The following NALF1 variants were observed in gnomAD, a reference collection of about 807,000 sequenced individuals.
NALF1 encodes family with sequence similarity 155 member A.
A neutral mutation model predicts 48.4 loss-of-function variants in NALF1; 3 were observed. The ratio of observed to expected loss-of-function variants is 0.06; its 90% CI spans 0.03 to 0.16. The LOEUF (loss-of-function observed/expected upper bound fraction) is 0.16. NALF1 is among the 10% of genes least tolerant of loss of function. The probability of loss-of-function intolerance (pLI) is 1.00; values close to 1 mark genes in which losing one functional copy is unlikely to be tolerated. For synonymous variants in NALF1, 262 were observed against 245.7 expected, an observed-to-expected ratio of 1.07 and a Z score of -0.62; for missense variants, 526 against 571.5, an observed-to-expected ratio of 0.92 and a Z score of 0.81.
chr13:107,497,613 A>G (rs1365649773), intron 1 of NALF1, among the ~76,000 whole-genome samples: 1 of 152,218 alleles, frequency 6.6e-6, no homozygotes. Context: ...TCTATCAATA[A>G]AGGCTTTTTA....
rs114485800 is a variant in NALF1 at position 107,675,225 on chromosome 13, G to A, written c.915+190457C>T. On this transcript the variant is annotated intron_variant, in intron 1 of 2. Transcript: ENST00000375915. The stretch of plus-strand genomic sequence containing the variant: ...AACTTGCTCATCCTTCTGCTCTTAC[G>A]TCCCTGGTATTTGTCCCTGGATGTT... Among the ~76,000 whole-genome samples, 874 of 152,150 alleles carry A rather than the reference G, an allele frequency of 5.7e-3. 8 individuals carry two copies. The highest frequency in any genetic ancestry group is 0.02 in the African/African-American group (836 of 41,486).
At chr13:107,714,636 A>C (rs960531975) in intron 1 of NALF1, among the ~76,000 whole-genome samples, 1 of 151,404 alleles carries the variant, frequency 6.6e-6, no homozygotes, top group Non-Finnish European at 1.5e-5. Context: ...TAAAAAAAAA[A>C]AAAGAAAGAT....
intron 1 of NALF1, among the ~76,000 whole-genome samples, chr13:107,276,556 G>T (rs569627113): frequency 6.6e-6 from 1 of 152,216 alleles, no homozygotes; most frequent in East Asian, 1.9e-4. Flanking sequence ...TAATAAAAAG[G>T]TATTTAAAGC....
intron 1 of NALF1, among the ~76,000 whole-genome samples, chr13:107,224,711 T>G (rs1348954539): frequency 1.3e-5 from 2 of 152,086 alleles, no homozygotes; most frequent in Non-Finnish European, 2.9e-5. Flanking sequence ...TAATTTTAAA[T>G]CAATAACAAT....
chr13:107,857,079 C>T (rs1240157696), intron 1 of NALF1, among the ~76,000 whole-genome samples: 2 of 152,220 alleles, frequency 1.3e-5, no homozygotes, highest in Non-Finnish European at 2.9e-5. Context: ...CTGTGTCTCC[C>T]TGTGTCTTCT....
intron 1 of NALF1, among the ~76,000 whole-genome samples, chr13:107,715,209 T>TC (rs1875715726): frequency 7.0e-6 from 1 of 141,970 alleles, no homozygotes; most frequent in African/African-American, 2.8e-5. Flanking sequence ...TCTCTCTTTC[T>TC]TTTTTTTTTT....
rs544928594 is a variant in NALF1, at chr13:107,746,583, T to C, written c.915+119099A>G. On this transcript the variant is annotated intron_variant, in intron 1 of 2. Transcript: ENST00000375915. ...TATAATCTGTAACATTTACATTAAA[T>C]AGGAATTTTACTATCAAGAAACATC... Among the ~76,000 whole-genome samples the C allele has an allele frequency of 9.2e-5, 14 of 152,328 alleles. 1 individual carries two copies. The South Asian group carries it at 2.7e-3, about 29-fold the overall frequency.
intron 1 of NALF1, among the ~76,000 whole-genome samples, chr13:107,829,483 T>G (rs1000255911): frequency 9.2e-5 from 14 of 152,154 alleles, no homozygotes; most frequent in Non-Finnish European, 1.8e-4. Flanking sequence ...ATCTCATGAT[T>G]TTTTTTCCAG....
intron 1 of NALF1, among the ~76,000 whole-genome samples, chr13:107,333,420 C>T (rs1039427729): frequency 2.6e-5 from 4 of 152,116 alleles, no homozygotes; most frequent in Admixed American, 6.5e-5. Flanking sequence ...TCAAAAAGGA[C>T]GCATGCTTAC....
chr13:107,536,470 A>T (rs533223407), intron 1 of NALF1, among the ~76,000 whole-genome samples: 3 of 152,232 alleles, frequency 2.0e-5, no homozygotes, highest in African/African-American at 7.2e-5. Context: ...CAAAAGACAC[A>T]TGAAAAAATG....
intron 2 of NALF1, among the ~76,000 whole-genome samples, chr13:107,206,472 A>C (rs1879645798): frequency 6.6e-6 from 1 of 152,212 alleles, no homozygotes; most frequent in Non-Finnish European, 1.5e-5. Context: ...TATACATTTA[A>C]AACTTTCAAA....
chr13:107,671,423 A>T (rs1880988253), intron 1 of NALF1, among the ~76,000 whole-genome samples: 1 of 152,126 alleles, frequency 6.6e-6, no homozygotes, highest in Non-Finnish European at 1.5e-5. Context: ...AATGAAAAAG[A>T]GTCAGATCTA....
At chr13:107,775,180 T>C (rs113002467) in intron 1 of NALF1, among the ~76,000 whole-genome samples, 20,061 of 149,904 alleles carry the variant, frequency 0.13, 1,572 homozygotes, top group Admixed American at 0.23. Flanking sequence ...GCATTAGGTA[T>C]ATCTCCCAGT....
At chr13:107,393,892 G>A (rs2138985288) in intron 1 of NALF1, among the ~76,000 whole-genome samples, 1 of 152,282 alleles carries the variant, frequency 6.6e-6, no homozygotes, top group East Asian at 1.9e-4. Context: ...CATTTAGAAT[G>A]TTGAGTATCA....
chr13:107,308,962 G>A (rs190645802), intron 1 of NALF1, among the ~76,000 whole-genome samples: 1 of 152,162 alleles, frequency 6.6e-6, no homozygotes, highest in Non-Finnish European at 1.5e-5. Flanking sequence ...GAGGTGTTGA[G>A]TTTATTTGAT....
chr13:107,284,841 C>A (rs950099476), intron 1 of NALF1, among the ~76,000 whole-genome samples: 1 of 152,228 alleles, frequency 6.6e-6, no homozygotes, highest in Admixed American at 6.5e-5. Context: ...CTGGAGCCTT[C>A]GTCTTGGATC....
At chr13:107,844,174 GT>G (rs1209787487) in intron 1 of NALF1, among the ~76,000 whole-genome samples, 1 of 152,022 alleles carries the variant, frequency 6.6e-6, no homozygotes, top group Non-Finnish European at 1.5e-5. Flanking sequence ...CTTTCCTAAT[GT>G]TTATTACTAG....
At chr13:107,205,426 G>GTTAT (rs145769161) in intron 2 of NALF1, among the ~76,000 whole-genome samples, 2,020 of 152,042 alleles carry the variant, frequency 0.013, 58 homozygotes, top group African/African-American at 0.046. Flanking sequence ...CTCCCCTCAG[G>GTTAT]TTATTCCCTT....
At chr13:107,396,949 T>C (rs1883723556) in intron 1 of NALF1, among the ~76,000 whole-genome samples, 1 of 152,200 alleles carries the variant, frequency 6.6e-6, no homozygotes, top group African/African-American at 2.4e-5. Context: ...GTAATATACA[T>C]TTAAATAGTA....
Sources: allele counts gnomAD v4.1 joint callset (sites outside exome capture counted in the v4.1 genomes callset), GRCh38; gene constraint gnomAD v4.1.1; transcripts MANE v1.5; gene names NCBI Gene and HGNC (gene_info 2026-07-23, HGNC 2026-07-21).